The following BRSK2 variants were observed in gnomAD, a reference collection of about 807,000 sequenced individuals.
BRSK2 encodes serine/threonine-protein kinase BRSK2.
A neutral mutation model predicts 83.3 loss-of-function variants in BRSK2; 19 were observed. The ratio of observed to expected loss-of-function variants is 0.23; its 90% CI spans 0.16 to 0.33. The LOEUF is 0.33. Among genes scored for constraint, BRSK2 ranks in the 10% least tolerant of loss-of-function variants. The pLI, the probability that BRSK2 is intolerant of heterozygous loss-of-function variation, is 1.00. For missense variants in BRSK2, 798 were observed against 1,042.3 expected (o/e 0.77, Z 3.23); for synonymous variants, 519 against 435.4 (o/e 1.19, Z -2.39).
In BRSK2 at chr11:1,460,929, C is replaced by T; in HGVS notation, c.*206C>T. 1 of 1,611,852 alleles carries T rather than the reference C, an allele frequency of 6.2e-7. No homozygotes were observed. The highest frequency in any genetic ancestry group is 8.5e-7 in the Non-Finnish European group (1 of 1,179,264). ...TCTTTTCTCTCTGTCTCTGCCTCTG[C>T]CTGTCTCTGACAGCATCGCTTGTTT... On this transcript the variant is annotated 3_prime_UTR_variant, in exon 20 of 20. Coordinates refer to ENST00000528841, the MANE Select transcript of BRSK2 (RefSeq NM_001256627.2).
At chr11:1,424,120 C>T (rs557872899) in intron 1 of BRSK2, among the ~76,000 whole-genome samples, 1 of 152,322 alleles carries the variant, frequency 6.6e-6, no homozygotes, top group Admixed American at 6.5e-5. Flanking sequence ...TGGGGGTCAC[C>T]ATTCCACCCC....
chr11:1,440,351 G>C (rs905333096), intron 3 of BRSK2, among the ~76,000 whole-genome samples: 2 of 152,228 alleles, frequency 1.3e-5, no homozygotes, highest in Admixed American at 6.5e-5. Context: ...CCCTGGATGC[G>C]GCTGCGTGGT....
At chr11:1,456,820 G>A in intron 18 of BRSK2, 133 bp downstream of exon 18, 1 of 1,318,300 alleles carries the variant, frequency 7.6e-7, no homozygotes, top group Non-Finnish European at 1.0e-6. Flanking sequence ...CCACCTCCCT[G>A]CCCCGAGCTG....
chr11:1,448,326 G>A (rs11028212), intron 12 of BRSK2, among the ~76,000 whole-genome samples: 3 of 152,252 alleles, frequency 2.0e-5, no homozygotes, highest in Non-Finnish European at 2.9e-5. Flanking sequence ...GGCGGGTGGC[G>A]CCGCCCCCAA....
At chr11:1,411,340 G>A in intron 1 of BRSK2, 3 of 1,404,944 alleles carry the variant, frequency 2.1e-6, no homozygotes, top group East Asian at 2.8e-5. Context: ...GGAGCAGGGG[G>A]CACAGTTCTG....
chr11:1,412,580 G>A (rs1847636172), intron 1 of BRSK2, among the ~76,000 whole-genome samples: 1 of 152,230 alleles, frequency 6.6e-6, no homozygotes, highest in African/African-American at 2.4e-5. Flanking sequence ...CGGGGCCGAG[G>A]GAGCAGGCGC....
chr11:1,410,594 C>G, intron 1 of BRSK2: 1 of 985,404 alleles, frequency 1.0e-6, no homozygotes, highest in Non-Finnish European at 1.2e-6. Context: ...GGAGTGGACT[C>G]GGGGGCTCCG....
chr11:1,459,419 T>TA, intron 19 of BRSK2, 180 bp downstream of exon 19: 3 of 664,638 alleles, frequency 4.5e-6, no homozygotes, highest in Admixed American at 4.8e-5. Flanking sequence ...GTCGCTCCCC[T>TA]ACCACAGCAA....
intron 1 of BRSK2, among the ~76,000 whole-genome samples, chr11:1,394,236 C>T (rs540800021): frequency 1.4e-4 from 16 of 116,182 alleles, no homozygotes; most frequent in Non-Finnish European, 2.1e-4. Flanking sequence ...TGGAGATGGG[C>T]CATGGAGATG....
intron 1 of BRSK2, among the ~76,000 whole-genome samples, chr11:1,406,465 C>T (rs1846884195): frequency 6.6e-6 from 1 of 152,214 alleles, no homozygotes. Context: ...GAGCAAGACT[C>T]TGTCTCAATA....
Position 1,438,666 on chromosome 11 carries a change from AG to A in BRSK2, c.272+279del, listed in dbSNP as rs771534906. Reference sequence around the variant, plus strand: ...GGCAAGGGGGAACAGGACCTTCTGGAGGGGAGATAGGAGTTTCAGGGCAAGG... The same window carrying A: ...GGCAAGGGGGAACAGGACCTTCTGGAGGGAGATAGGAGTTTCAGGGCAAGG... On this transcript the variant is annotated intron_variant, in intron 3 of 19. Transcript: ENST00000528841. The surrounding 1 kb of genome is among the most constrained non-coding windows in gnomAD (Gnocchi z 6.4). Among the ~76,000 whole-genome samples, 32 of 152,012 alleles carry A rather than the reference AG, an allele frequency of 2.1e-4. No individual in the cohort carries two copies. The highest frequency in any genetic ancestry group is 4.4e-4 in the Non-Finnish European group (30 of 67,972).
intron 1 of BRSK2, among the ~76,000 whole-genome samples, chr11:1,397,573 G>A (rs1237022048): frequency 6.6e-6 from 1 of 152,200 alleles, no homozygotes; most frequent in African/African-American, 2.4e-5. Context: ...TGCCCCAGGG[G>A]CCTGGGCTGC....
At chr11:1,427,797 C>T (rs140894223) in intron 1 of BRSK2, among the ~76,000 whole-genome samples, 13 of 152,290 alleles carry the variant, frequency 8.5e-5, no homozygotes, top group South Asian at 2.1e-4. Flanking sequence ...TGGGCTTCCC[C>T]GCTCCAGCTT....
intron 8 of BRSK2, among the ~76,000 whole-genome samples, chr11:1,444,434 G>A (rs1851747061): frequency 6.6e-6 from 1 of 152,178 alleles, no homozygotes; most frequent in Non-Finnish European, 1.5e-5. Flanking sequence ...CTGAGTCAGG[G>A]TGGAGAGAAG....
chr11:1,459,314 A>G, intron 19 of BRSK2, 75 bp downstream of exon 19: 2 of 1,555,316 alleles, frequency 1.3e-6, no homozygotes, highest in Non-Finnish European at 1.8e-6. Context: ...TGTGGCCGCC[A>G]CCTGCCGCCC....
At chr11:1,450,455 C>G (rs964560215) in intron 13 of BRSK2, 132 bp from the exon 14 acceptor site, 1 of 584,498 alleles carries the variant, frequency 1.7e-6, no homozygotes, top group Non-Finnish European at 3.0e-6. Flanking sequence ...GGCCAGCACC[C>G]CAGCCCGGCC....
chr11:1,421,325 T>C (rs10766917), intron 1 of BRSK2, among the ~76,000 whole-genome samples: 107,940 of 152,014 alleles, frequency 0.71, 38,888 homozygotes, highest in Non-Finnish European at 0.76. Flanking sequence ...TGCCCATCTC[T>C]GGCTGCAGAG....
intron 1 of BRSK2, among the ~76,000 whole-genome samples, chr11:1,397,595 G>C (rs1342134317): frequency 6.6e-6 from 1 of 152,154 alleles, no homozygotes; most frequent in Non-Finnish European, 1.5e-5. Context: ...GGCTGGGCCT[G>C]GCTTCCTCCC....
chr11:1,450,268 C>T (rs374956013), intron 13 of BRSK2, among the ~76,000 whole-genome samples: 55 of 151,922 alleles, frequency 3.6e-4, no homozygotes, highest in Admixed American at 9.8e-4. Flanking sequence ...AGCCGCCCTT[C>T]GTGGCCCGCC....
Sources: gnomAD v4.1 joint callset for allele counts (sites outside exome capture counted in the v4.1 genomes callset) on GRCh38, gnomAD v4.1.1 for gene constraint, Gnocchi (gnomAD v3.1) non-coding constraint, MANE v1.5 for transcripts, NCBI Gene and HGNC (gene_info 2026-07-23, HGNC 2026-07-21) for gene names.